The following AR variants were observed in gnomAD, a reference collection of about 807,000 sequenced individuals.
The protein encoded by AR is dihydrotestosterone receptor.
A neutral mutation model predicts 53.9 loss-of-function variants in AR; 8 were observed. The observed-to-expected ratio is 0.15, with a 90% CI of 0.09 to 0.27. The LOEUF is 0.27. AR is among the 10% of genes least tolerant of loss of function. The pLI is 1.00. For synonymous variants in AR, 359 were observed against 316.4 expected (o/e 1.13, Z -1.43); for missense variants, 639 against 742.5 (o/e 0.86, Z 1.62).
intron 6 of AR, 91 bp from the exon 7 acceptor site, chrX:67,722,736 G>T (rs1294532176): frequency 9.2e-7 from 1 of 1,083,641 alleles, no homozygotes; most frequent in East Asian, 3.2e-5. Flanking sequence ...GGGGGTGGGG[G>T]TCAAGTCTGT....
intron 2 of AR, among the ~76,000 whole-genome samples, chrX:67,674,159 GTC>G (rs758684375): frequency 1.3e-4 from 14 of 106,098 alleles, no homozygotes; most frequent in Non-Finnish European, 1.8e-4. Context: ...AACAAATAGA[GTC>G]TCTCTCTCTC....
chrX:67,704,581 T>C (rs1380449147), intron 3 of AR, among the ~76,000 whole-genome samples: 3 of 112,020 alleles, frequency 2.7e-5, no homozygotes, highest in Non-Finnish European at 5.6e-5. Flanking sequence ...AAAAATTTTC[T>C]CCCATTCTGT....
intron 2 of AR, among the ~76,000 whole-genome samples, chrX:67,665,081 C>T (rs1468676556): frequency 8.8e-6 from 1 of 113,031 alleles, no homozygotes; most frequent in Non-Finnish European, 1.9e-5. Flanking sequence ...GGCGATGTCT[C>T]GCCCTGCTTT....
chrX:67,566,605 G>T (rs997575373), intron 1 of AR, among the ~76,000 whole-genome samples: 1 of 111,220 alleles, frequency 9.0e-6, no homozygotes, highest in Non-Finnish European at 1.9e-5. Flanking sequence ...ATCTATGGGG[G>T]GCCTTAAATG....
At chrX:67,594,079 C>T (rs556165888) in intron 1 of AR, among the ~76,000 whole-genome samples, 5 of 112,030 alleles carry the variant, frequency 4.5e-5, no homozygotes, top group Non-Finnish European at 9.4e-5. Context: ...ACTACAGCCT[C>T]GATCTCCTGG....
At chrX:67,568,738 T>G in intron 1 of AR, 1 of 450,159 alleles carries the variant, frequency 2.2e-6, no homozygotes, top group Non-Finnish European at 2.8e-6. Context: ...GGAGGGTATG[T>G]TAGTTTGCTT....
At chrX:67,655,907 A>G (rs1444738734) in intron 2 of AR, among the ~76,000 whole-genome samples, 1 of 112,458 alleles carries the variant, frequency 8.9e-6, no homozygotes. Context: ...TGCTCCAATT[A>G]TGTCACTGTA....
intron 2 of AR, among the ~76,000 whole-genome samples, chrX:67,666,387 A>C (rs1356859817): frequency 1.8e-5 from 2 of 112,166 alleles, no homozygotes; most frequent in Non-Finnish European, 3.8e-5. Flanking sequence ...TGCAAATGAC[A>C]GGATCTCTTT....
intron 1 of AR, among the ~76,000 whole-genome samples, chrX:67,640,046 G>A (rs773080178): frequency 1.2e-4 from 13 of 111,418 alleles, no homozygotes; most frequent in East Asian, 2.8e-4. Flanking sequence ...GTATTTTGTC[G>A]AAGGCCTTTT....
At chrX:67,700,867 A>G (rs922311543) in intron 3 of AR, among the ~76,000 whole-genome samples, 1 of 112,204 alleles carries the variant, frequency 8.9e-6, no homozygotes, top group Admixed American at 9.4e-5. Context: ...GCGACAGATT[A>G]TATCTCACTG....
intron 3 of AR, among the ~76,000 whole-genome samples, chrX:67,698,872 A>G (rs751039470): frequency 9.0e-6 from 1 of 111,620 alleles, no homozygotes; most frequent in East Asian, 2.8e-4. Flanking sequence ...TGGAGAGTGA[A>G]AACCAGTTTG....
chrX:67,590,239 T>G (rs1227348939), intron 1 of AR, among the ~76,000 whole-genome samples: 1 of 111,421 alleles, frequency 9.0e-6, no homozygotes, highest in Non-Finnish European at 1.9e-5. Context: ...GAAGGCTTCT[T>G]TTTTTCTTGG....
chrX:67,685,843 T>G, intron 2 of AR, 167 bp from the exon 3 acceptor site: 1 of 736,261 alleles, frequency 1.4e-6, no homozygotes, highest in African/African-American at 2.1e-5. Flanking sequence ...ATTAAACTGT[T>G]TGAATATTTA....
intron 1 of AR, among the ~76,000 whole-genome samples, chrX:67,627,254 C>A (rs763588546): frequency 0.071 from 7,844 of 110,719 alleles, 783 homozygotes; most frequent in African/African-American, 0.25. Context: ...CCAACAGTGT[C>A]AAAGTGTTCC....
chrX:67,696,139 C>CTTTT (rs11428245), intron 3 of AR: 2 of 600,595 alleles, frequency 3.3e-6, no homozygotes, highest in African/African-American at 5.2e-5. Flanking sequence ...GATCTTTTTT[C>CTTTT]TTTTTTTTTT....
intron 7 of AR, among the ~76,000 whole-genome samples, chrX:67,723,312 CTGTGTGTGTGTG>C (rs796606484): frequency 1.3e-5 from 1 of 78,009 alleles, no homozygotes; most frequent in Non-Finnish European, 2.4e-5. Context: ...GTTTGTCTGT[CTGTGTGTGTGTG>C]TGTGTGTGTG....
chrX:67,703,300 T>G (rs2076050572), intron 3 of AR, among the ~76,000 whole-genome samples: 1 of 111,970 alleles, frequency 8.9e-6, no homozygotes, highest in Non-Finnish European at 1.9e-5. Flanking sequence ...ACCTCAGAAT[T>G]ATGACCTTTT....
At chrX:67,546,909 C>A in intron 1 of AR, 147 bp downstream of exon 1, 1 of 672,335 alleles carries the variant, frequency 1.5e-6, no homozygotes, top group Non-Finnish European at 2.3e-6. Flanking sequence ...CTCCCGTGGA[C>A]TCCCGGCCTG....
At chrX:67,606,886 G>A (rs1372768193) in intron 1 of AR, among the ~76,000 whole-genome samples, 1 of 112,271 alleles carries the variant, frequency 8.9e-6, no homozygotes, top group African/African-American at 3.2e-5. Context: ...AAAAGGATGG[G>A]CAGAATGTGT....
Sources: gnomAD v4.1 joint callset for allele counts (sites outside exome capture counted in the v4.1 genomes callset) on GRCh38, gnomAD v4.1.1 for gene constraint, MANE v1.5 for transcripts, NCBI Gene and HGNC (gene_info 2026-07-23, HGNC 2026-07-21) for gene names.